Variants in SPRR3 observed in about 807,000 individuals in gnomAD.
The protein encoded by SPRR3 is small proline rich protein 3.
For missense variants in SPRR3, 183 were observed against 200.3 expected (o/e 0.91, Z 0.52); for synonymous variants, 58 against 72.3 (o/e 0.80, Z 1.01).
In SPRR3 at chr1:153,003,369, G is replaced by T. The variant is rs142366989; in HGVS notation, c.349G>T (p.Val117Phe). 37 of 1,613,932 alleles carry T rather than the reference G, an allele frequency of 2.3e-5. No homozygotes were observed. Among genetic ancestry groups the T allele is most frequent in the African/African-American group, 1.9e-4 (14 of 75,036 alleles). ...TKVPEPGSIK[V>F]PDQGFIKFPE... ...GGTCCCTGAACCAGGCAGCATCAAG[G>T]TCCCTGACCAAGGCTTCATCAAGTT... Residue 117 changes from valine to phenylalanine, a missense_variant, in exon 2 of 2, where the codon GTC becomes TTC. Physicochemically the swap from Val to Phe is conservative, Grantham distance 50. Transcript: ENST00000295367.
chr1:153,002,640 A>T (rs2339495), intron 1 of SPRR3: 107,856 of 200,006 alleles, frequency 0.54, 29,521 homozygotes, highest in East Asian at 0.67. Context: ...AAAGCCACTA[A>T]GACTTTCTGC....
intron 1 of SPRR3, chr1:153,002,277 G>C (rs1652802762): frequency 6.5e-6 from 1 of 152,742 alleles, no homozygotes; most frequent in South Asian, 2.1e-4. Context: ...TGAGAGGTGG[G>C]CATGTGTGGG....
At position 153,003,695 on chromosome 1, in the gene SPRR3, C is replaced by T; in HGVS notation, c.*165C>T. ...TATCCTAAAAATACGTACTATAAAG[C>T]TTTTGTTCACACACACTCTGAAGAA... is the stretch of plus-strand genomic sequence containing the variant. On this transcript the variant is annotated 3_prime_UTR_variant, in exon 2 of 2. Transcript: ENST00000295367. 1 of 1,013,932 alleles carries T rather than the reference C, an allele frequency of 9.9e-7. No homozygotes were observed. Among genetic ancestry groups the T allele is most frequent in the Non-Finnish European group, 1.4e-6 (1 of 702,946 alleles). 62.8% of individuals were successfully genotyped at this position (1,013,932 alleles called of 1,614,324 possible). A position where few individuals can be genotyped will look rare whatever the true frequency, so the allele number is the denominator to read the frequency against.
Position 153,002,398 on chromosome 1 carries a change from T to G in SPRR3, c.-19-604T>G, listed in dbSNP as rs140374315. 5.3e-3 allele frequency: 804 copies of G among 152,300 alleles called. 4 individuals carry two copies. Among genetic ancestry groups the G allele is most frequent in the African/African-American group, 0.018 (761 of 41,400 alleles). 9.4% of individuals were successfully genotyped at this position (152,300 alleles called of 1,614,324 possible). A position where few individuals can be genotyped will look rare whatever the true frequency, so the allele number is the denominator to read the frequency against. On this transcript the variant is annotated intron_variant, in intron 1 of 1. Coordinates refer to ENST00000295367, the MANE Select transcript of SPRR3 (RefSeq NM_001097589.2). The stretch of plus-strand genomic sequence containing the variant: ...CCTTAGGGGGAAGTTTAGATAAGAG[T>G]TCTCCTGGGAGAACTATCGCACTCT...
rs752239297 is a variant in SPRR3 at position 153,003,210 on chromosome 1, CCAGGCTGTACCAAGGTCCCTGAG to C, written c.192_214del (p.Gly65ArgfsTer7). Reference sequence around the variant, plus strand: ...GCCAGGCTGTACCAAGGTCCCTGAGCCAGGCTGTACCAAGGTCCCTGAGCCAGGCTGTACCAAGGTCCCTGAGC... The same window carrying C: ...GCCAGGCTGTACCAAGGTCCCTGAGCCCAGGCTGTACCAAGGTCCCTGAGC... On this transcript the variant is annotated frameshift_variant, in exon 2 of 2. Transcript: ENST00000295367. LOFTEE classifies it low-confidence loss of function (END_TRUNC). The C allele has an allele frequency of 1.3e-6, 2 of 1,589,300 alleles. No homozygotes were observed. The highest frequency in any genetic ancestry group is 2.7e-5 in the African/African-American group (2 of 72,972).
Position 153,003,052 on chromosome 1 carries a change from C to A in SPRR3, c.32C>A (p.Thr11Asn), listed in dbSNP as rs371906832. The A allele has an allele frequency of 9.9e-6, 16 of 1,613,910 alleles. No individual in the cohort carries two copies. Among genetic ancestry groups the A allele is most frequent in the Non-Finnish European group, 1.4e-5 (16 of 1,179,922 alleles). Reference protein sequence around the residue: MSSYQQKQTFTPPPQLQQQQV... With the variant: MSSYQQKQTFNPPPQLQQQQV... ...TCTTACCAGCAGAAGCAGACCTTTA[C>A]CCCACCACCTCAGCTTCAACAGCAG... Residue 11 changes from threonine (T) to asparagine (N), a missense_variant, in exon 2 of 2, where the codon ACC becomes AAC. Coordinates refer to ENST00000295367, the MANE Select transcript of SPRR3 (RefSeq NM_001097589.2).
In SPRR3 at chr1:153,003,375, G is replaced by T. The variant is rs770079144; in HGVS notation, c.355G>T (p.Asp119Tyr). The change falls in exon 2 of 2, where the codon GAC becomes TAC. Residue 119 changes from aspartate to tyrosine, a missense_variant. Transcript: ENST00000295367. Reference protein sequence around the residue: ...VPEPGSIKVPDQGFIKFPEPG... With the variant: ...VPEPGSIKVPYQGFIKFPEPG... The stretch of plus-strand genomic sequence containing the variant: ...TGAACCAGGCAGCATCAAGGTCCCT[G>T]ACCAAGGCTTCATCAAGTTTCCTGA... 1.2e-6 allele frequency: 2 copies of T among 1,614,074 alleles called. No homozygotes were observed. Among genetic ancestry groups the T allele is most frequent in the South Asian group, 2.2e-5 (2 of 91,068 alleles).
chr1:153,002,053 T>C (rs1013883623), intron 1 of SPRR3: 1 of 152,188 alleles, frequency 6.6e-6, no homozygotes, highest in African/African-American at 2.4e-5. Context: ...TGTCAACATG[T>C]ATTGAAAATT....
rs1415254810 is a variant in SPRR3, at chr1:153,001,806, A to G, written c.-20+13A>G. 6.6e-6 allele frequency: 1 copy of G among 152,252 alleles called. No individual in the cohort carries two copies. Among genetic ancestry groups the G allele is most frequent in the African/African-American group, 2.4e-5 (1 of 41,470 alleles). 9.4% of individuals were successfully genotyped at this position (152,252 alleles called of 1,614,324 possible). ...CTCTGCACAGCAGGTGAGTCTCCGCATTAGGAACACCTTAATATTCTCCAA... is the reference window on the plus strand; with the variant it reads ...CTCTGCACAGCAGGTGAGTCTCCGCGTTAGGAACACCTTAATATTCTCCAA... On this transcript the variant is annotated intron_variant, in intron 1 of 1. Transcript: ENST00000295367.
At position 153,003,025 on chromosome 1, in the gene SPRR3, G is replaced by A. The variant is rs1258798259; in HGVS notation, c.5G>A (p.Ser2Asn). ...AGGTCCAGCATCCTTTGAAGCATGA[G>A]TTCTTACCAGCAGAAGCAGACCTTT... MSSYQQKQTFTP... is the reference protein window; with the variant it reads MNSYQQKQTFTP... Residue 2 changes from serine to asparagine, a missense_variant, in exon 2 of 2, where the codon AGT becomes AAT. Physicochemically the swap from Ser to Asn is conservative, Grantham distance 46. Transcript: ENST00000295367. 5.0e-6 allele frequency: 8 copies of A among 1,612,590 alleles called. No individual in the cohort carries two copies. The highest frequency in any genetic ancestry group is 1.3e-5 in the African/African-American group (1 of 74,800).
chr1:153,003,118 T>C lies in SPRR3; in HGVS notation c.98T>C (p.Phe33Ser), dbSNP rs1287011574. ...QPSQPPPQEI[F>S]VPTTKEPCHS... The stretch of plus-strand genomic sequence containing the variant: ...AGCCAGCCTCCACCTCAGGAAATAT[T>C]TGTTCCCACAACCAAGGAGCCATGC... The change falls in exon 2 of 2, where the codon TTT becomes TCT. Residue 33 changes from phenylalanine to serine, a missense_variant. Physicochemically the swap from Phe to Ser is radical, Grantham distance 155 (BLOSUM62 -2). Transcript: ENST00000295367. 2 of 1,614,062 alleles carry C rather than the reference T, an allele frequency of 1.2e-6. No homozygotes were observed. Among genetic ancestry groups the C allele is most frequent in the South Asian group, 2.2e-5 (2 of 91,070 alleles).
rs893532038 is a variant in SPRR3 at position 153,003,469 on chromosome 1, C to A, written c.449C>A (p.Pro150Gln). ...KVPVPGYTKL[P>Q]EPCPSTVTPG... ...CCTGTGCCAGGCTACACAAAGCTAC[C>A]AGAGCCATGTCCTTCAACGGTCACT... Residue 150 changes from proline to glutamine, a missense_variant, in exon 2 of 2, where the codon CCA becomes CAA. Coordinates refer to ENST00000295367, the MANE Select transcript of SPRR3 (RefSeq NM_001097589.2). 14 of 1,614,030 alleles carry A rather than the reference C, an allele frequency of 8.7e-6. No homozygotes were observed. The highest frequency in any genetic ancestry group is 1.0e-5 in the Non-Finnish European group (12 of 1,180,000).
rs761392120 is a variant in SPRR3 at position 153,003,014 on chromosome 1, T to A, written c.-7T>A. The A allele has an allele frequency of 6.2e-7, 1 of 1,609,062 alleles. No homozygotes were observed. Among genetic ancestry groups the A allele is most frequent in the South Asian group, 1.1e-5 (1 of 90,640 alleles). ...GTTTTGTCTCTAGGTCCAGCATCCT[T>A]TGAAGCATGAGTTCTTACCAGCAGA... On this transcript the variant is annotated 5_prime_UTR_variant, in exon 2 of 2. In the 5' UTR this introduces an upstream ATG that the reference lacks. Coordinates refer to ENST00000295367, the MANE Select transcript of SPRR3 (RefSeq NM_001097589.2).
chr1:153,003,752 T>A lies in SPRR3; in HGVS notation c.*222T>A. 44 of 650,962 alleles carry A rather than the reference T, an allele frequency of 6.8e-5. No individual in the cohort carries two copies. The highest frequency in any genetic ancestry group is 1.8e-4 in the South Asian group (7 of 38,948). The allele number at this position is 650,962 out of a possible 1,614,324, so 40.3% of individuals were successfully genotyped here. A position where few individuals can be genotyped will look rare whatever the true frequency, so the allele number is the denominator to read the frequency against. ...AAGCCCCTGAATTAAGCAGAAAGTCTTCATGGCTTTTCTGGTCTTCGGCTG... is the reference window on the plus strand; with the variant it reads ...AAGCCCCTGAATTAAGCAGAAAGTCATCATGGCTTTTCTGGTCTTCGGCTG... On this transcript the variant is annotated 3_prime_UTR_variant, in exon 2 of 2. Coordinates refer to ENST00000295367, the MANE Select transcript of SPRR3 (RefSeq NM_001097589.2).
rs1335749084 is a variant in SPRR3 at position 153,003,172 on chromosome 1, C to A, written c.152C>A (p.Thr51Lys). The part of the protein sequence containing the change: ...CHSKVPQPGN[T>K]KIPEPGCTKV... Reference sequence around the variant, plus strand: ...TCAAAGGTTCCACAACCTGGAAACACAAAGATTCCAGAGCCAGGCTGTACC... The same window carrying A: ...TCAAAGGTTCCACAACCTGGAAACAAAAAGATTCCAGAGCCAGGCTGTACC... Residue 51 changes from threonine (T) to lysine (K), a missense_variant, in exon 2 of 2, where the codon ACA (threonine) becomes AAA (lysine). By Grantham distance (78) the Thr-to-Lys change is moderately conservative (BLOSUM62 -1). Coordinates refer to ENST00000295367, the MANE Select transcript of SPRR3 (RefSeq NM_001097589.2). 7 of 1,613,948 alleles carry A rather than the reference C, an allele frequency of 4.3e-6. No individual in the cohort carries two copies. The highest frequency in any genetic ancestry group is 4.2e-6 in the Non-Finnish European group (5 of 1,180,030).
intron 1 of SPRR3, chr1:153,002,511 T>G (rs1484950748): frequency 6.3e-6 from 1 of 159,652 alleles, no homozygotes; most frequent in Non-Finnish European, 1.4e-5. Flanking sequence ...ACATCAATCT[T>G]CAGCCAATGA....
rs1570958224 is a variant in SPRR3 at position 153,003,616 on chromosome 1, T to C, written c.*86T>C. 9.8e-6 allele frequency: 15 copies of C among 1,527,734 alleles called. No homozygotes were observed. The East Asian group carries it at 3.0e-4, about 30-fold the overall frequency. The allele number at this position is 1,527,734 out of a possible 1,614,324, so 94.6% of individuals were successfully genotyped here. A position where few individuals can be genotyped will look rare whatever the true frequency, so the allele number is the denominator to read the frequency against. On this transcript the variant is annotated 3_prime_UTR_variant, in exon 2 of 2. Transcript: ENST00000295367. ...TCTGTTTCTGTGTCTTAATTGTCTGTAGACCTTGTAATCAGCACATTGTCA... is the reference window on the plus strand; with the variant it reads ...TCTGTTTCTGTGTCTTAATTGTCTGCAGACCTTGTAATCAGCACATTGTCA...
Position 153,003,552 on chromosome 1 carries a change from T to G in SPRR3, c.*22T>G, listed in dbSNP as rs1652880804. 6.2e-7 allele frequency: 1 copy of G among 1,609,558 alleles called. No individual in the cohort carries two copies. Among genetic ancestry groups the G allele is most frequent in the East Asian group, 2.2e-5 (1 of 44,748 alleles). ...GTAATTTGGTGCACAGACAAGCCCT[T>G]GAGAAGCCAACCACCAGATGCTGGA... On this transcript the variant is annotated 3_prime_UTR_variant, in exon 2 of 2. Transcript: ENST00000295367.
Position 153,003,569 on chromosome 1 carries a change from G to C in SPRR3, c.*39G>C. The C allele has an allele frequency of 6.2e-7, 1 of 1,604,718 alleles. No individual in the cohort carries two copies. Among genetic ancestry groups the C allele is most frequent in the Non-Finnish European group, 8.5e-7 (1 of 1,174,248 alleles). On this transcript the variant is annotated 3_prime_UTR_variant, in exon 2 of 2. Coordinates refer to ENST00000295367, the MANE Select transcript of SPRR3 (RefSeq NM_001097589.2). ...CAAGCCCTTGAGAAGCCAACCACCA[G>C]ATGCTGGACACCCTCTTCCCATCTG... is the stretch of plus-strand genomic sequence containing the variant.
Sources: allele counts gnomAD v4.1 joint callset, GRCh38; gene constraint gnomAD v4.1.1; transcripts MANE v1.5; gene names NCBI Gene and HGNC (gene_info 2026-07-23, HGNC 2026-07-21).